The following DENND1A variants were observed in gnomAD, a reference collection of about 807,000 sequenced individuals.
DENND1A encodes the protein DENN domain-containing protein 1A.
In DENND1A, 51 loss-of-function variants were observed where a neutral mutation model predicts 113.7. The ratio of observed to expected loss-of-function variants is 0.45; its 90% CI spans 0.36 to 0.57. DENND1A has a LOEUF of 0.57. DENND1A is among the 20% of genes least tolerant of loss of function. DENND1A has a pLI of 0.00. For synonymous variants in DENND1A, 565 were observed against 570.8 expected, an observed-to-expected ratio of 0.99 and a Z score of 0.14; for missense variants, 1,258 against 1,395.9, an observed-to-expected ratio of 0.90 and a Z score of 1.57.
chr9:123,607,547 A>AGTGT lies in DENND1A; in HGVS notation c.765+1885_765+1888dup, dbSNP rs555605927. On this transcript the variant is annotated intron_variant, in intron 11 of 23. Transcript: ENST00000394215. ...GAGAGAGAGAGAGAGAGAGAGAGAG[A>AGTGT]GTGTGTGTGTGTGTGTGTGTGTGTG... Among the ~76,000 whole-genome samples the AGTGT allele has an allele frequency of 6.0e-3, 408 of 68,040 alleles. 7 individuals are homozygous for AGTGT. The East Asian group carries it at 0.066, about 11-fold the overall frequency. The allele number at this position is 68,040 out of a possible 152,430, so 44.6% of individuals were successfully genotyped here. A position where few individuals can be genotyped will look rare whatever the true frequency, so the allele number is the denominator to read the frequency against.
intron 8 of DENND1A, chr9:123,652,385 A>C (rs1589523141): frequency 2.8e-6 from 1 of 363,258 alleles, no homozygotes; most frequent in East Asian, 5.4e-5. Context: ...TCCAGCACTT[A>C]GGTCAGTTCC....
At chr9:123,537,976 G>C (rs935772017) in intron 13 of DENND1A, among the ~76,000 whole-genome samples, 2 of 152,234 alleles carry the variant, frequency 1.3e-5, no homozygotes, top group African/African-American at 2.4e-5. Context: ...GGCAGTAACA[G>C]ACAGAGTCCC....
intron 5 of DENND1A, among the ~76,000 whole-genome samples, chr9:123,753,678 G>C (rs193184096): frequency 6.6e-6 from 1 of 150,458 alleles, no homozygotes; most frequent in African/African-American, 2.5e-5. Context: ...CAATATCTTG[G>C]ATAAGCACTA....
At chr9:123,531,467 G>T (rs1162142579) in intron 13 of DENND1A, among the ~76,000 whole-genome samples, 1 of 151,086 alleles carries the variant, frequency 6.6e-6, no homozygotes, top group Admixed American at 6.6e-5. Context: ...ATAATAGAAA[G>T]AATTACCACC....
intron 19 of DENND1A, among the ~76,000 whole-genome samples, chr9:123,429,125 C>T (rs143310528): frequency 1.3e-5 from 2 of 152,208 alleles, no homozygotes; most frequent in African/African-American, 4.8e-5. Context: ...CATCATGCTA[C>T]TTGACTTCAA....
At chr9:123,631,251 G>C (rs535544777) in intron 9 of DENND1A, among the ~76,000 whole-genome samples, 1 of 152,266 alleles carries the variant, frequency 6.6e-6, no homozygotes, top group South Asian at 2.1e-4. Context: ...TTGTAGTCAA[G>C]TTAGTAGCTT....
intron 13 of DENND1A, among the ~76,000 whole-genome samples, chr9:123,478,446 GCAGGTGTCTCA>G (rs2050086855): frequency 6.6e-6 from 1 of 152,218 alleles, no homozygotes; most frequent in Non-Finnish European, 1.5e-5. Context: ...ACACTGGCTA[GCAGGTGTCTCA>G]TTTTGGGAAG....
chr9:123,662,625 C>T (rs192730592), intron 8 of DENND1A, among the ~76,000 whole-genome samples: 3 of 152,278 alleles, frequency 2.0e-5, no homozygotes, highest in Non-Finnish European at 2.9e-5. Flanking sequence ...CTAACAAGCA[C>T]TTTCTCAAGA....
chr9:123,698,873 G>C (rs896461268), intron 5 of DENND1A, among the ~76,000 whole-genome samples: 2 of 152,238 alleles, frequency 1.3e-5, no homozygotes, highest in Non-Finnish European at 2.9e-5. Context: ...ACTAGCAGAA[G>C]AGAAGAAGTT....
intron 10 of DENND1A, among the ~76,000 whole-genome samples, chr9:123,617,927 G>GA (rs1203141585): frequency 8.0e-6 from 1 of 124,394 alleles, no homozygotes; most frequent in Non-Finnish European, 1.7e-5. Flanking sequence ...GAAAGTAACA[G>GA]AAAAAAAGGA....
chr9:123,407,133 G>T (rs1162327227), intron 20 of DENND1A, among the ~76,000 whole-genome samples: 1 of 129,424 alleles, frequency 7.7e-6, no homozygotes, highest in Non-Finnish European at 1.6e-5. Flanking sequence ...GCTTCATTAG[G>T]GATGATAAAA....
At position 123,485,328 on chromosome 9, in the gene DENND1A, A is replaced by G. The variant is rs530197626; in HGVS notation, c.994-27431T>C. Among the ~76,000 whole-genome samples the G allele has an allele frequency of 2.6e-5, 4 of 152,354 alleles. No individual in the cohort carries two copies. In the East Asian group the frequency reaches 5.8e-4, roughly 22 times the overall value. ...GGTGTGGGCAATAATTAAAGGCTTC[A>G]GCAATCTACCTGGGCAAGGTATTTT... On this transcript the variant is annotated intron_variant, in intron 13 of 23. Transcript: ENST00000394215.
chr9:123,761,589 C>A (rs1163831255), intron 4 of DENND1A, among the ~76,000 whole-genome samples: 3 of 152,120 alleles, frequency 2.0e-5, no homozygotes, highest in Non-Finnish European at 4.4e-5. Context: ...GAAAAAGATT[C>A]TTTTTGGGGT....
At chr9:123,925,134 T>G (rs986367100) in intron 1 of DENND1A, among the ~76,000 whole-genome samples, 6 of 151,972 alleles carry the variant, frequency 3.9e-5, no homozygotes, top group Admixed American at 6.6e-5. Context: ...CCGTGAGGAG[T>G]GAATCTGTAT....
intron 5 of DENND1A, among the ~76,000 whole-genome samples, chr9:123,695,640 G>A (rs1262281680): frequency 6.6e-6 from 1 of 152,102 alleles, no homozygotes; most frequent in Non-Finnish European, 1.5e-5. Context: ...TAGTTTCAAG[G>A]AGCTCAGTGT....
intron 13 of DENND1A, among the ~76,000 whole-genome samples, chr9:123,469,923 G>A (rs919960235): frequency 3.3e-5 from 5 of 152,166 alleles, no homozygotes; most frequent in African/African-American, 1.2e-4. Flanking sequence ...CTGGCCCTGG[G>A]GCTCATGCAG....
intron 10 of DENND1A, 73 bp from the exon 11 acceptor site, chr9:123,609,554 C>T: frequency 1.3e-6 from 2 of 1,535,662 alleles, no homozygotes; most frequent in Non-Finnish European, 1.8e-6. Context: ...AGATGGTTCA[C>T]TATTTGGAGA....
At chr9:123,395,978 G>GGT (rs147013216) in intron 21 of DENND1A, among the ~76,000 whole-genome samples, 32,179 of 149,898 alleles carry the variant, frequency 0.21, 3,495 homozygotes, top group East Asian at 0.32. Context: ...TGGTGTGCCT[G>GGT]GTGTGTGTGT....
At chr9:123,479,369 C>T (rs181805380) in intron 13 of DENND1A, among the ~76,000 whole-genome samples, 39 of 152,326 alleles carry the variant, frequency 2.6e-4, no homozygotes, top group African/African-American at 9.1e-4. Context: ...GCTTTTCAGC[C>T]CTGCTTCTCA....
Sources: allele counts gnomAD v4.1 joint callset (sites outside exome capture counted in the v4.1 genomes callset), GRCh38; gene constraint gnomAD v4.1.1; transcripts MANE v1.5; gene names NCBI Gene and HGNC (gene_info 2026-07-23, HGNC 2026-07-21).